ZNF268: variants seen among roughly 807,000 people sequenced by gnomAD.
The protein encoded by ZNF268 is zinc finger protein 268, also known as zinc finger protein 3.
Under a neutral mutation model 29.3 loss-of-function variants are expected in ZNF268, and 20 were observed. The observed-to-expected ratio is 0.68, with a 90% CI of 0.48 to 0.99. ZNF268 has a LOEUF of 0.99. Among genes scored for constraint, ZNF268 ranks in the 50% least tolerant of loss-of-function variants. The pLI is 0.00. For missense variants in ZNF268, 1,240 were observed against 1,121.6 expected, an observed-to-expected ratio of 1.11 and a Z score of -1.51; for synonymous variants, 429 against 376.9, an observed-to-expected ratio of 1.14 and a Z score of -1.60.
chr12:133,202,940 C>A lies in ZNF268; in HGVS notation c.1254C>A (p.Cys418Ter). The A allele has an allele frequency of 1.9e-6, 3 of 1,544,690 alleles. No homozygotes were observed. The South Asian group carries it at 3.5e-5, about 18-fold the overall frequency. ...ATACAGGAGAGAAACCATATGAATG[C>A]AATGAATGTCAGAAAGCCTTTAATA... The part of the protein sequence containing the change: ...RIHTGEKPYE[C>*]NECQKAFNTK... The change falls in exon 6 of 6, where the codon TGC becomes TGA. Residue 418 changes from cysteine to a stop codon, truncating the protein, a stop_gained. Coordinates refer to ENST00000536435, the MANE Select transcript of ZNF268 (RefSeq NM_003415.3). LOFTEE classifies it low-confidence loss of function (END_TRUNC).
intron 3 of ZNF268, among the ~76,000 whole-genome samples, chr12:133,188,460 G>T (rs115756165): frequency 0.033 from 5,008 of 152,174 alleles, 255 homozygotes; most frequent in African/African-American, 0.11. Context: ...GCCTCCTGAG[G>T]TGCTGGGATG....
In ZNF268 at chr12:133,203,950, G is replaced by T; in HGVS notation, c.2264G>T (p.Ser755Ile). 2 of 1,594,186 alleles carry T rather than the reference G, an allele frequency of 1.3e-6. No individual in the cohort carries two copies. The highest frequency in any genetic ancestry group is 1.1e-5 in the South Asian group (1 of 89,072). Residue 755 changes from serine (S) to isoleucine (I), a missense_variant, in exon 6 of 6, where the codon AGT becomes ATT. By Grantham distance (142) the Ser-to-Ile change is moderately radical. Coordinates refer to ENST00000536435, the MANE Select transcript of ZNF268 (RefSeq NM_003415.3). ...ACAGGAGAAAATCCCTATGAATGCA[G>T]TGAATGTGGGAAAGCCTTTAATAGG... ...IHTGENPYEC[S>I]ECGKAFNRKD... is the part of the protein sequence containing the mutation.
At chr12:133,199,044 T>C (rs1422219015) in intron 5 of ZNF268, among the ~76,000 whole-genome samples, 1 of 152,002 alleles carries the variant, frequency 6.6e-6, no homozygotes, top group African/African-American at 2.4e-5. Flanking sequence ...TCCTGCCTAA[T>C]TGCCCTGGCC....
chr12:133,189,683 T>A (rs1222300224), intron 3 of ZNF268, among the ~76,000 whole-genome samples: 2 of 152,234 alleles, frequency 1.3e-5, no homozygotes, highest in East Asian at 3.8e-4. Flanking sequence ...CATCTTCATC[T>A]TTTCGTTGGC....
rs1474485335 is a variant in ZNF268 at position 133,208,218 on chromosome 12, A to C, written c.*3688A>C. On this transcript the variant is annotated 3_prime_UTR_variant, in exon 6 of 6. Coordinates refer to ENST00000536435, the MANE Select transcript of ZNF268 (RefSeq NM_003415.3). Reference sequence around the variant, plus strand: ...TTAAAAAGATTAGCCAGGTGTGGTCAGGCGCCGTGGCTCATGCCTGTAATC... The same window carrying C: ...TTAAAAAGATTAGCCAGGTGTGGTCCGGCGCCGTGGCTCATGCCTGTAATC... 1 of 151,848 alleles carries C rather than the reference A, an allele frequency of 6.6e-6. No homozygotes were observed. Among genetic ancestry groups the C allele is most frequent in the East Asian group, 2.0e-4 (1 of 5,112 alleles). 9.4% of individuals were successfully genotyped at this position (151,848 alleles called of 1,614,324 possible). A position where few individuals can be genotyped will look rare whatever the true frequency, so the allele number is the denominator to read the frequency against.
chr12:133,200,547 CTTTCT>C (rs1382335232), intron 5 of ZNF268, among the ~76,000 whole-genome samples: 2 of 152,110 alleles, frequency 1.3e-5, no homozygotes, highest in Non-Finnish European at 2.9e-5. Context: ...ATTAGCTCTG[CTTTCT>C]TTTAATATCC....
intron 5 of ZNF268, among the ~76,000 whole-genome samples, chr12:133,197,131 C>T (rs1956625778): frequency 6.6e-6 from 1 of 150,738 alleles, no homozygotes; most frequent in Non-Finnish European, 1.5e-5. Context: ...TAGTGTGCTG[C>T]ACCCACTAAT....
At chr12:133,190,943 G>C (rs1956451919) in intron 3 of ZNF268, among the ~76,000 whole-genome samples, 2 of 151,094 alleles carry the variant, frequency 1.3e-5, no homozygotes, top group Non-Finnish European at 2.9e-5. Flanking sequence ...AGTCGAACTT[G>C]TTTGCCTGAC....
chr12:133,204,507 A>C lies in ZNF268; in HGVS notation c.2821A>C (p.Thr941Pro), dbSNP rs1427272992. 5 of 1,515,886 alleles carry C rather than the reference A, an allele frequency of 3.3e-6. No individual in the cohort carries two copies. In the East Asian group the frequency reaches 1.2e-4, roughly 37 times the overall value. The allele number at this position is 1,515,886 out of a possible 1,614,324, so 93.9% of individuals were successfully genotyped here. A position where few individuals can be genotyped will look rare whatever the true frequency, so the allele number is the denominator to read the frequency against. Residue 941 changes from threonine to proline, a missense_variant, in exon 6 of 6, where the codon ACT (threonine) becomes CCT (proline). Around this residue, in one of 3 missense-constraint regions of ZNF268, gnomAD observed 1,177 missense variants for 1,039.6 expected, o/e 1.13. Transcript: ENST00000536435. ...WKSQLIMHQRTHVDDKH is the reference protein window; with the variant it reads ...WKSQLIMHQRPHVDDKH ...GTCACAGCTCATTATGCATCAGAGAACTCATGTAGATGACAAACATTGATA... is the reference window on the plus strand; with the variant it reads ...GTCACAGCTCATTATGCATCAGAGACCTCATGTAGATGACAAACATTGATA...
intron 5 of ZNF268, among the ~76,000 whole-genome samples, chr12:133,200,224 T>C (rs902958247): frequency 1.3e-5 from 2 of 152,214 alleles, no homozygotes; most frequent in Non-Finnish European, 2.9e-5. Context: ...TCTGGTATGT[T>C]GTGTCTTTGT....
At chr12:133,189,804 T>C in intron 3 of ZNF268, among the ~76,000 whole-genome samples, 1 of 152,198 alleles carries the variant, frequency 6.6e-6, no homozygotes, top group Non-Finnish European at 1.5e-5. Context: ...ATAATTAAGC[T>C]TATCTGTTTG....
Position 133,204,603 on chromosome 12 carries a change from G to A in ZNF268, c.*73G>A. The A allele has an allele frequency of 8.6e-7, 1 of 1,169,004 alleles. No individual in the cohort carries two copies. Among genetic ancestry groups the A allele is most frequent in the Non-Finnish European group, 1.2e-6 (1 of 860,292 alleles). The allele number at this position is 1,169,004 out of a possible 1,614,324, so 72.4% of individuals were successfully genotyped here. A position where few individuals can be genotyped will look rare whatever the true frequency, so the allele number is the denominator to read the frequency against. Reference sequence around the variant, plus strand: ...TCATATATAAAGAGAAACTCTGTAAGTGGAATCATCTTGTCATCTTCCAGA... The same window carrying A: ...TCATATATAAAGAGAAACTCTGTAAATGGAATCATCTTGTCATCTTCCAGA... On this transcript the variant is annotated 3_prime_UTR_variant, in exon 6 of 6. Transcript: ENST00000536435.
rs995908820 is a variant in ZNF268 at position 133,209,084 on chromosome 12, C to G, written c.*4554C>G. 2 of 152,098 alleles carry G rather than the reference C, an allele frequency of 1.3e-5. No individual in the cohort carries two copies. The highest frequency in any genetic ancestry group is 1.3e-4 in the Admixed American group (2 of 15,224). The allele number at this position is 152,098 out of a possible 1,614,324, so 9.4% of individuals were successfully genotyped here. On this transcript the variant is annotated 3_prime_UTR_variant, in exon 6 of 6. Coordinates refer to ENST00000536435, the MANE Select transcript of ZNF268 (RefSeq NM_003415.3). Reference sequence around the variant, plus strand: ...TCAGCCTCCCTAGTAGCTGGAATTACAGGCACACGCCACCACGCCCAGCTA... The same window carrying G: ...TCAGCCTCCCTAGTAGCTGGAATTAGAGGCACACGCCACCACGCCCAGCTA...
chr12:133,211,234 A>T lies in ZNF268; in HGVS notation c.*6704A>T, dbSNP rs1956975829. On this transcript the variant is annotated 3_prime_UTR_variant, in exon 6 of 6. Coordinates refer to ENST00000536435, the MANE Select transcript of ZNF268 (RefSeq NM_003415.3). ...AAAAAAAAAACCCTAAAATTGAACA[A>T]GAAGACAACCCAATTAAAAATGGGG... The T allele has an allele frequency of 8.4e-6, 3 of 355,860 alleles. No homozygotes were observed. Among genetic ancestry groups the T allele is most frequent in the South Asian group, 6.5e-5 (3 of 46,132 alleles). 22.0% of individuals were successfully genotyped at this position (355,860 alleles called of 1,614,324 possible).
intron 2 of ZNF268, chr12:133,184,605 C>T: frequency 2.8e-6 from 1 of 356,976 alleles, no homozygotes; most frequent in Middle Eastern, 9.2e-4. Flanking sequence ...GGCCGCACCT[C>T]TTTATTTATT....
intron 2 of ZNF268, among the ~76,000 whole-genome samples, chr12:133,183,961 T>A (rs947387742): frequency 1.3e-5 from 2 of 152,226 alleles, no homozygotes; most frequent in Non-Finnish European, 2.9e-5. Context: ...TAATATTAGA[T>A]CATTGTCTTA....
chr12:133,203,651 CAT>C lies in ZNF268; in HGVS notation c.1966_1967del (p.Ile656CysfsTer3), dbSNP rs1956815157. On this transcript the variant is annotated frameshift_variant, in exon 6 of 6. Coordinates refer to ENST00000536435, the MANE Select transcript of ZNF268 (RefSeq NM_003415.3). LOFTEE classifies it low-confidence loss of function (END_TRUNC). ...AAGCCTTTACGTTCAAATCACAGCT[CAT>C]TGTACATAAAGGAGTGCACACTGGA... ...GKAFTFKSQL[I>X]VHKGVHTGVK... 1.3e-6 allele frequency: 2 copies of C among 1,555,370 alleles called. No individual in the cohort carries two copies. Among genetic ancestry groups the C allele is most frequent in the Admixed American group, 3.8e-5 (2 of 51,972 alleles).
intron 3 of ZNF268, among the ~76,000 whole-genome samples, chr12:133,188,848 C>T (rs1222797699): frequency 2.6e-5 from 4 of 151,982 alleles, no homozygotes; most frequent in African/African-American, 4.8e-5. Context: ...TATTGGCTTG[C>T]TTTTTTAGTC....
chr12:133,203,244 A>T lies in ZNF268; in HGVS notation c.1558A>T (p.Arg520Trp). 6.5e-7 allele frequency: 1 copy of T among 1,538,114 alleles called. No individual in the cohort carries two copies. Among genetic ancestry groups the T allele is most frequent in the South Asian group, 1.2e-5 (1 of 84,072 alleles). The change falls in exon 6 of 6, where the codon AGG (arginine) becomes TGG (tryptophan). Residue 520 changes from arginine (R) to tryptophan (W), a missense_variant. By Grantham distance (101) the Arg-to-Trp change is moderately radical. This residue lies in a region of ZNF268 where 1,177 missense variants were observed against 1,039.6 expected (regional missense o/e 1.13). Transcript: ENST00000536435. Reference protein sequence around the residue: ...RSKSYLIIHTRTHTGEKLHEC... With the variant: ...RSKSYLIIHTWTHTGEKLHEC... ...CAAGTCATACCTTATTATACATACA[A>T]GGACTCATACAGGAGAAAAACTCCA...
Sources: allele counts gnomAD v4.1 joint callset (sites outside exome capture counted in the v4.1 genomes callset), GRCh38; gene constraint gnomAD v4.1.1; regional missense constraint gnomAD v4.1.1; transcripts MANE v1.5; gene names NCBI Gene and HGNC (gene_info 2026-07-23, HGNC 2026-07-21).